The following NXPH4 variants were observed in gnomAD, a reference collection of about 807,000 sequenced individuals.
NXPH4 encodes neurexophilin 4, also known as neurexophilin-4.
A neutral mutation model predicts 21.3 loss-of-function variants in NXPH4; 8 were observed. The observed-to-expected ratio is 0.38, with a 90% CI of 0.22 to 0.68. The LOEUF (loss-of-function observed/expected upper bound fraction) is 0.68. Ranked by LOEUF, NXPH4 falls within the 30% of genes least tolerant of loss-of-function variation. The pLI is 0.53. For missense variants in NXPH4, 418 were observed against 416.8 expected (o/e 1.00, Z -0.03); for synonymous variants, 219 against 192.6 (o/e 1.14, Z -1.13).
chr12:57,217,005 T>A lies in NXPH4; in HGVS notation c.36T>A (p.Phe12Leu). The A allele has an allele frequency of 6.2e-7, 1 of 1,607,094 alleles. No homozygotes were observed. The highest frequency in any genetic ancestry group is 8.5e-7 in the Non-Finnish European group (1 of 1,177,268). Residue 12 changes from phenylalanine to leucine, a missense_variant, in exon 1 of 2, where the codon TTT becomes TTA. Physicochemically the swap from Phe to Leu is conservative, Grantham distance 22 (BLOSUM62 0). Transcript: ENST00000349394. The part of the protein sequence containing the change: ...RLLPEWFLLL[F>L]GPWLLRKAVS... Reference sequence around the variant, plus strand: ...TCCCGGAATGGTTCCTCTTGCTCTTTGGCCCGTGGCTCCTTAGGAAGGTAA... The same window carrying A: ...TCCCGGAATGGTTCCTCTTGCTCTTAGGCCCGTGGCTCCTTAGGAAGGTAA...
At chr12:57,219,794 A>T (rs2037073242) in intron 1 of NXPH4, 1 of 152,316 alleles carries the variant, frequency 6.6e-6, no homozygotes, top group Non-Finnish European at 1.5e-5. Context: ...CACATTCCTA[A>T]TAGGAGGGGC....
Position 57,216,829 on chromosome 12 carries a change from C to A in NXPH4, c.-141C>A, listed in dbSNP as rs2037041861. On this transcript the variant is annotated 5_prime_UTR_variant, in exon 1 of 2. Transcript: ENST00000349394. This position sits in a 1 kb window ranked among gnomAD's most constrained non-coding sequence, Gnocchi z 5.3. ...CCGCGCCTCGCGCCCAGTCCGCGGGCCGCGCCGCCGCTCCCGCCGCTCCCG... is the reference window on the plus strand; with the variant it reads ...CCGCGCCTCGCGCCCAGTCCGCGGGACGCGCCGCCGCTCCCGCCGCTCCCG... The A allele has an allele frequency of 7.9e-6, 2 of 251,826 alleles. No individual in the cohort carries two copies. The highest frequency in any genetic ancestry group is 4.9e-6 in the Non-Finnish European group (1 of 203,778). The allele number at this position is 251,826 out of a possible 1,614,324, so 15.6% of individuals were successfully genotyped here. A position where few individuals can be genotyped will look rare whatever the true frequency, so the allele number is the denominator to read the frequency against.
chr12:57,218,153 C>A (rs369492390), intron 1 of NXPH4, among the ~76,000 whole-genome samples: 2 of 152,212 alleles, frequency 1.3e-5, no homozygotes, highest in East Asian at 1.9e-4. Context: ...CCCTCAGCCC[C>A]TGTAGAGTCT....
In NXPH4 at chr12:57,225,576, C is replaced by T. The variant is rs17854829; in HGVS notation, c.756C>T (p.Asp252=). Residue 252 remains aspartate, a synonymous_variant, in exon 2 of 2, where the codon GAC becomes GAT. Transcript: ENST00000349394. ...RARKHRPCLY[D]PSQVCFTEHT... is the part of the protein sequence containing the mutation. ...GCAAGCACCGACCGTGCCTGTACGA[C>T]CCGTCGCAGGTGTGCTTCACCGAGC... 0.011 allele frequency: 18,508 copies of T among 1,613,448 alleles called. 293 individuals are homozygous for T. Among genetic ancestry groups the T allele is most frequent in the East Asian group, 0.07 (3,119 of 44,858 alleles).
chr12:57,224,986 TC>T lies in NXPH4; in HGVS notation c.167del (p.Ser56TrpfsTer4). The T allele has an allele frequency of 6.8e-7, 1 of 1,463,640 alleles. No homozygotes were observed. Among genetic ancestry groups the T allele is most frequent in the Non-Finnish European group, 9.0e-7 (1 of 1,107,756 alleles). 90.7% of individuals were successfully genotyped at this position (1,463,640 alleles called of 1,614,324 possible). On this transcript the variant is annotated frameshift_variant, in exon 2 of 2. Transcript: ENST00000349394. LOFTEE classifies it high-confidence loss of function. The part of the protein sequence containing the change: ...PGQQLPEPRS[S>X]DGLGVGRAWS... ...CCAGCAGCTCCCAGAGCCAAGGTCTTCGGACGGCCTAGGCGTGGGCCGCGCC... is the reference window on the plus strand; with the variant it reads ...CCAGCAGCTCCCAGAGCCAAGGTCTTGGACGGCCTAGGCGTGGGCCGCGCC...
At chr12:57,223,890 A>G (rs1486548306) in intron 1 of NXPH4, among the ~76,000 whole-genome samples, 2 of 152,054 alleles carry the variant, frequency 1.3e-5, no homozygotes, top group Non-Finnish European at 2.9e-5. Context: ...AACGGGTGGG[A>G]GCAGGAGGGG....
Position 57,225,283 on chromosome 12 carries a change from G to A in NXPH4, c.463G>A (p.Val155Met). ...SSLGNLSVSI[V>M]PPSKRVEFGG... ...CCTGGGCAACCTCAGTGTCAGCATC[G>A]TGCCGCCCTCCAAGCGTGTCGAGTT... Residue 155 changes from valine to methionine, a missense_variant, in exon 2 of 2, where the codon GTG becomes ATG. By Grantham distance (21) the Val-to-Met change is conservative. Coordinates refer to ENST00000349394, the MANE Select transcript of NXPH4 (RefSeq NM_007224.4). The A allele has an allele frequency of 6.4e-7, 1 of 1,550,486 alleles. No homozygotes were observed. Among genetic ancestry groups the A allele is most frequent in the Non-Finnish European group, 8.7e-7 (1 of 1,149,458 alleles).
At position 57,225,898 on chromosome 12, in the gene NXPH4, A is replaced by G. The variant is rs1309404129; in HGVS notation, c.*151A>G. On this transcript the variant is annotated 3_prime_UTR_variant, in exon 2 of 2. Coordinates refer to ENST00000349394, the MANE Select transcript of NXPH4 (RefSeq NM_007224.4). ...GAATGGCTTCTCGGGACCCTCAGCT[A>G]GCGTGGGTGCCCTTTTCCTTATGCG... The G allele has an allele frequency of 1.6e-5, 23 of 1,444,128 alleles. No homozygotes were observed. Among genetic ancestry groups the G allele is most frequent in the Non-Finnish European group, 2.1e-5 (23 of 1,104,090 alleles). 89.5% of individuals were successfully genotyped at this position (1,444,128 alleles called of 1,614,324 possible).
At chr12:57,223,019 G>C (rs61978619) in intron 1 of NXPH4, among the ~76,000 whole-genome samples, 5,459 of 152,214 alleles carry the variant, frequency 0.036, 213 homozygotes, top group African/African-American at 0.1. Context: ...GGCAAACAGA[G>C]GGGGGCACCC....
At position 57,217,000 on chromosome 12, in the gene NXPH4, C is replaced by A; in HGVS notation, c.31C>A (p.Leu11Ile). The change falls in exon 1 of 2, where the codon CTC becomes ATC. Residue 11 changes from leucine (L) to isoleucine (I), a missense_variant. Physicochemically the swap from Leu to Ile is conservative, Grantham distance 5 (BLOSUM62 2). Coordinates refer to ENST00000349394, the MANE Select transcript of NXPH4 (RefSeq NM_007224.4). The surrounding 1 kb of genome is among the most constrained non-coding windows in gnomAD (Gnocchi z 5.3). Reference protein sequence around the residue: MRLLPEWFLLLFGPWLLRKAV... With the variant: MRLLPEWFLLIFGPWLLRKAV... Reference sequence around the variant, plus strand: ...GCTGCTCCCGGAATGGTTCCTCTTGCTCTTTGGCCCGTGGCTCCTTAGGAA... The same window carrying A: ...GCTGCTCCCGGAATGGTTCCTCTTGATCTTTGGCCCGTGGCTCCTTAGGAA... The A allele has an allele frequency of 6.2e-7, 1 of 1,607,036 alleles. No individual in the cohort carries two copies. Among genetic ancestry groups the A allele is most frequent in the Non-Finnish European group, 8.5e-7 (1 of 1,177,216 alleles).
chr12:57,219,209 CG>C (rs987348914), intron 1 of NXPH4, among the ~76,000 whole-genome samples: 29 of 152,026 alleles, frequency 1.9e-4, no homozygotes, highest in African/African-American at 6.8e-4. Context: ...CTGCCTCTCC[CG>C]TCCTGCTTGC....
Position 57,226,044 on chromosome 12 carries a change from G to C in NXPH4, c.*297G>C. 1 of 853,564 alleles carries C rather than the reference G, an allele frequency of 1.2e-6. No homozygotes were observed. Among genetic ancestry groups the C allele is most frequent in the Non-Finnish European group, 1.7e-6 (1 of 594,370 alleles). The allele number at this position is 853,564 out of a possible 1,614,324, so 52.9% of individuals were successfully genotyped here. On this transcript the variant is annotated 3_prime_UTR_variant, in exon 2 of 2. Coordinates refer to ENST00000349394, the MANE Select transcript of NXPH4 (RefSeq NM_007224.4). ...CCAATGTCCCCTGGGTCCACAGTGG[G>C]TCCCCTTTTCACCCTTGGCGCTAGG... is the stretch of plus-strand genomic sequence containing the variant.
At position 57,225,646 on chromosome 12, in the gene NXPH4, G is replaced by A. The variant is rs1292820255; in HGVS notation, c.826G>A (p.Val276Ile). ...AAWLCAKPFK[V>I]ICIFVSFLSF... The stretch of plus-strand genomic sequence containing the variant: ...CTGGCTCTGTGCCAAGCCCTTCAAA[G>A]TCATCTGTATCTTCGTCTCTTTCCT... The change falls in exon 2 of 2, where the codon GTC becomes ATC. Residue 276 changes from valine to isoleucine, a missense_variant. By Grantham distance (29) the Val-to-Ile change is conservative. Coordinates refer to ENST00000349394, the MANE Select transcript of NXPH4 (RefSeq NM_007224.4). 3 of 1,613,822 alleles carry A rather than the reference G, an allele frequency of 1.9e-6. No individual in the cohort carries two copies. Among genetic ancestry groups the A allele is most frequent in the East Asian group, 2.2e-5 (1 of 44,880 alleles).
intron 1 of NXPH4, among the ~76,000 whole-genome samples, chr12:57,220,513 C>A (rs942800749): frequency 5.3e-5 from 8 of 152,344 alleles, no homozygotes; most frequent in Middle Eastern, 6.8e-3. Flanking sequence ...GAGCCTTGCG[C>A]GGCAGGCCAA....
chr12:57,224,920 C>A lies in NXPH4; in HGVS notation c.100C>A (p.Leu34Met). 1 of 1,325,330 alleles carries A rather than the reference C, an allele frequency of 7.5e-7. No individual in the cohort carries two copies. Among genetic ancestry groups the A allele is most frequent in the Non-Finnish European group, 9.9e-7 (1 of 1,008,294 alleles). The allele number at this position is 1,325,330 out of a possible 1,614,324, so 82.1% of individuals were successfully genotyped here. Residue 34 changes from leucine (L) to methionine (M), a missense_variant, in exon 2 of 2, where the codon CTG becomes ATG. Leu to Met is a conservative substitution (Grantham distance 15, BLOSUM62 2). Transcript: ENST00000349394. ...QIPESGRPQY[L>M]GLRPAAAGAG... is the part of the protein sequence containing the mutation. ...ACCAGAGTCCGGAAGGCCGCAGTAC[C>A]TGGGGCTGCGCCCCGCCGCGGCCGG...
intron 1 of NXPH4, chr12:57,221,560 G>A (rs1179088540): frequency 4.1e-5 from 14 of 341,794 alleles, no homozygotes; most frequent in South Asian, 3.0e-4. Context: ...TGGGCCCGCT[G>A]CCTCGGGGGT....
rs1020179168 is a variant in NXPH4 at position 57,225,330 on chromosome 12, G to A, written c.510G>A (p.Gly170=). The part of the protein sequence containing the change: ...RVEFGGVWLP[G]PVPHPLQSTL... ...AGTTCGGAGGAGTCTGGCTGCCCGG[G>A]CCTGTCCCCCACCCTCTGCAGTCTA... is the stretch of plus-strand genomic sequence containing the variant. The change falls in exon 2 of 2, where the codon GGG becomes GGA. Residue 170 remains glycine (G), a synonymous_variant. Coordinates refer to ENST00000349394, the MANE Select transcript of NXPH4 (RefSeq NM_007224.4). The A allele has an allele frequency of 6.4e-7, 1 of 1,564,804 alleles. No homozygotes were observed. Among genetic ancestry groups the A allele is most frequent in the African/African-American group, 1.4e-5 (1 of 73,900 alleles).
At position 57,216,859 on chromosome 12, in the gene NXPH4, TCC is replaced by T. The variant is rs1565761798; in HGVS notation, c.-109_-108del. ...CCGCCGCTCCCGCCGCTCCCGCCGC[TCC>T]CGCCGCTCCCGCAGCCGCCCCGCCG... is the stretch of plus-strand genomic sequence containing the variant. On this transcript the variant is annotated 5_prime_UTR_variant, in exon 1 of 2. Coordinates refer to ENST00000349394, the MANE Select transcript of NXPH4 (RefSeq NM_007224.4). This position sits in a 1 kb window ranked among gnomAD's most constrained non-coding sequence, Gnocchi z 5.3. 8 of 547,140 alleles carry T rather than the reference TCC, an allele frequency of 1.5e-5. No homozygotes were observed. The highest frequency in any genetic ancestry group is 1.4e-4 in the Admixed American group (2 of 13,992). The allele number at this position is 547,140 out of a possible 1,614,324, so 33.9% of individuals were successfully genotyped here.
At position 57,226,333 on chromosome 12, in the gene NXPH4, C is replaced by A; in HGVS notation, c.*586C>A. On this transcript the variant is annotated 3_prime_UTR_variant, in exon 2 of 2. Transcript: ENST00000349394. The stretch of plus-strand genomic sequence containing the variant: ...CCCCGGCCCCTGCCCCTGCCCGCCC[C>A]CCTCCAGTCCAGGCAGTCGAGCTCC... 1 of 227,284 alleles carries A rather than the reference C, an allele frequency of 4.4e-6. No individual in the cohort carries two copies. Among genetic ancestry groups the A allele is most frequent in the Non-Finnish European group, 8.5e-6 (1 of 117,240 alleles). 14.1% of individuals were successfully genotyped at this position (227,284 alleles called of 1,614,324 possible). A position where few individuals can be genotyped will look rare whatever the true frequency, so the allele number is the denominator to read the frequency against.
Sources: gnomAD v4.1 joint callset for allele counts (sites outside exome capture counted in the v4.1 genomes callset) on GRCh38, gnomAD v4.1.1 for gene constraint, Gnocchi (gnomAD v3.1) non-coding constraint, MANE v1.5 for transcripts, NCBI Gene and HGNC (gene_info 2026-07-23, HGNC 2026-07-21) for gene names.